The following FRK variants were observed in gnomAD, a reference collection of about 807,000 sequenced individuals.
FRK encodes the protein tyrosine-protein kinase FRK.
FRK carries 51 observed loss-of-function variants against 56.4 expected under a neutral mutation model. The observed-to-expected ratio is 0.90, with a 90% CI of 0.72 to 1.14. The LOEUF is 1.14. Among genes scored for constraint, FRK ranks in the 50% most tolerant of loss-of-function variants. The pLI is 0.00. For missense variants in FRK, 570 were observed against 601.4 expected (o/e 0.95, Z 0.55); for synonymous variants, 245 against 217.9 (o/e 1.12, Z -1.10).
At chr6:116,017,606 C>G (rs1727745413) in intron 1 of FRK, among the ~76,000 whole-genome samples, 1 of 152,146 alleles carries the variant, frequency 6.6e-6, no homozygotes, top group South Asian at 2.1e-4. Context: ...TTAACCTTCT[C>G]TAGGGCCTCA....
the FRK span, among the ~76,000 whole-genome samples, chr6:116,085,796 T>A: frequency 6.6e-6 from 1 of 152,146 alleles, no homozygotes; most frequent in Admixed American, 6.5e-5. Context: ...GGAGATTCTG[T>A]AGCACTTTTG....
intron 1 of FRK, among the ~76,000 whole-genome samples, chr6:116,030,525 G>A (rs1376503844): frequency 6.6e-6 from 1 of 152,054 alleles, no homozygotes; most frequent in Non-Finnish European, 1.5e-5. Context: ...CTGAATCAGG[G>A]CTGGTCACCA....
At chr6:116,070,319 G>C in the FRK span, among the ~76,000 whole-genome samples, 1 of 152,026 alleles carries the variant, frequency 6.6e-6, no homozygotes, top group African/African-American at 2.4e-5. Context: ...TGGCAGGGTT[G>C]GGGGGCTGCA....
chr6:115,996,032 T>C (rs1293324840), intron 2 of FRK, among the ~76,000 whole-genome samples: 1 of 152,204 alleles, frequency 6.6e-6, no homozygotes, highest in East Asian at 1.9e-4. Flanking sequence ...TAACATAACA[T>C]TCTCTTTCTG....
intron 5 of FRK, among the ~76,000 whole-genome samples, chr6:115,949,432 GCT>G (rs1772618674): frequency 6.6e-6 from 1 of 152,028 alleles, no homozygotes; most frequent in Non-Finnish European, 1.5e-5. Context: ...TTCATAAATA[GCT>G]TTTTTTATTT....
intron 1 of FRK, among the ~76,000 whole-genome samples, chr6:116,055,287 T>A (rs1361061204): frequency 6.6e-6 from 1 of 152,224 alleles, no homozygotes; most frequent in African/African-American, 2.4e-5. Flanking sequence ...CCATTACTTT[T>A]ATACTTCAGA....
intron 1 of FRK, among the ~76,000 whole-genome samples, chr6:116,020,784 T>C (rs947965635): frequency 1.3e-5 from 2 of 152,208 alleles, no homozygotes; most frequent in African/African-American, 4.8e-5. Flanking sequence ...GTGCTTATAA[T>C]AGGCATTTTT....
At chr6:116,037,918 T>C (rs1018193790) in intron 1 of FRK, among the ~76,000 whole-genome samples, 2 of 152,212 alleles carry the variant, frequency 1.3e-5, no homozygotes, top group Non-Finnish European at 2.9e-5. Flanking sequence ...CTTTCCTGCC[T>C]TGCTTTGCAG....
At position 115,942,361 on chromosome 6, in the gene FRK, G is replaced by A. The variant is rs12208531; in HGVS notation, c.*53C>T. On this transcript the variant is annotated 3_prime_UTR_variant, in exon 8 of 8. Transcript: ENST00000606080. ...GGTTGATAACATTGTATTTTGGAAT[G>A]GATTATTTGAATTTGTTTTGCTACT... 0.22 allele frequency: 310,018 copies of A among 1,387,086 alleles called. 40,500 individuals carry two copies. The highest frequency in any genetic ancestry group is 0.27 in the Non-Finnish European group (263,361 of 979,466). The allele number at this position is 1,387,086 out of a possible 1,614,324, so 85.9% of individuals were successfully genotyped here. A position where few individuals can be genotyped will look rare whatever the true frequency, so the allele number is the denominator to read the frequency against.
At chr6:115,954,469 AT>A (rs747617588) in intron 5 of FRK, among the ~76,000 whole-genome samples, 10 of 152,162 alleles carry the variant, frequency 6.6e-5, no homozygotes, top group Non-Finnish European at 1.5e-4. Flanking sequence ...GAGAGGTAAA[AT>A]CCTCTATATA....
the FRK span, among the ~76,000 whole-genome samples, chr6:116,093,634 T>C: frequency 2.6e-5 from 4 of 152,198 alleles, no homozygotes; most frequent in Non-Finnish European, 4.4e-5. Flanking sequence ...CACTGGGACC[T>C]TGACTCAGAT....
chr6:116,093,261 C>A, the FRK span, among the ~76,000 whole-genome samples: 5 of 152,140 alleles, frequency 3.3e-5, no homozygotes, highest in African/African-American at 9.7e-5. Flanking sequence ...ACCAAAAAAA[C>A]CCCCGGGCTA....
At chr6:115,993,259 T>A (rs1254808208) in intron 2 of FRK, among the ~76,000 whole-genome samples, 2 of 151,752 alleles carry the variant, frequency 1.3e-5, no homozygotes, top group African/African-American at 4.8e-5. Context: ...TTATCAACAG[T>A]CAGGCAAAAT....
the FRK span, among the ~76,000 whole-genome samples, chr6:116,094,657 T>C: frequency 6.6e-6 from 1 of 152,042 alleles, no homozygotes; most frequent in Non-Finnish European, 1.5e-5. Context: ...AGTCTTACAC[T>C]ACCAAAGCCG....
chr6:116,058,313 A>G (rs992863061), intron 1 of FRK, among the ~76,000 whole-genome samples: 5 of 152,236 alleles, frequency 3.3e-5, no homozygotes, highest in Admixed American at 1.3e-4. Context: ...TTCCCACTTG[A>G]TAACTGATCA....
chr6:116,080,453 C>T, the FRK span, among the ~76,000 whole-genome samples: 1 of 152,036 alleles, frequency 6.6e-6, no homozygotes, highest in Non-Finnish European at 1.5e-5. Context: ...TGCACTGGGC[C>T]AAAAAAGCCT....
intron 5 of FRK, among the ~76,000 whole-genome samples, chr6:115,945,875 T>A (rs1169429565): frequency 6.6e-6 from 1 of 152,158 alleles, no homozygotes; most frequent in Non-Finnish European, 1.5e-5. Context: ...AAAAAATTTA[T>A]ATAGTACAAT....
chr6:116,087,656 G>T, the FRK span, among the ~76,000 whole-genome samples: 1 of 152,246 alleles, frequency 6.6e-6, no homozygotes, highest in African/African-American at 2.4e-5. Flanking sequence ...GGAACAGGGG[G>T]TTAGAGACAG....
At chr6:116,081,489 C>T in the FRK span, among the ~76,000 whole-genome samples, 1 of 152,000 alleles carries the variant, frequency 6.6e-6, no homozygotes, top group East Asian at 1.9e-4. Context: ...AAAACCCTGT[C>T]TCTAATAAAA....
Sources: allele counts gnomAD v4.1 joint callset (sites outside exome capture counted in the v4.1 genomes callset), GRCh38; gene constraint gnomAD v4.1.1; transcripts MANE v1.5; gene names NCBI Gene and HGNC (gene_info 2026-07-23, HGNC 2026-07-21).